The following PICALM variants were observed in gnomAD, a reference collection of about 807,000 sequenced individuals.
PICALM encodes the protein phosphatidylinositol-binding clathrin assembly protein.
PICALM carries 40 observed loss-of-function variants against 80.5 expected under a neutral mutation model. The observed-to-expected ratio is 0.50, with a 90% CI of 0.39 to 0.65. PICALM has a LOEUF of 0.65. Among genes scored for constraint, PICALM ranks in the 30% least tolerant of loss-of-function variants. The pLI is 0.00. For missense variants in PICALM, 676 were observed against 778.9 expected (o/e 0.87, Z 1.57); for synonymous variants, 288 against 260.3 (o/e 1.11, Z -1.02).
At chr11:85,976,529 A>C in intron 18 of PICALM, 94 bp downstream of exon 18, 1 of 757,186 alleles carries the variant, frequency 1.3e-6, no homozygotes, top group Non-Finnish European at 2.4e-6. Context: ...GAGTATGAGG[A>C]GCACTAAATT....
chr11:85,993,415 T>G (rs2094856131), intron 12 of PICALM, among the ~76,000 whole-genome samples: 1 of 152,054 alleles, frequency 6.6e-6, no homozygotes, highest in Non-Finnish European at 1.5e-5. Flanking sequence ...TTTGTCCCTT[T>G]TTTTTTCATT....
chr11:86,067,055 T>C (rs2096457832), intron 1 of PICALM, among the ~76,000 whole-genome samples: 1 of 152,256 alleles, frequency 6.6e-6, no homozygotes, highest in African/African-American at 2.4e-5. Context: ...TGCTTTTTTA[T>C]TTAAAACTTT....
At chr11:86,000,308 A>G (rs2095103313) in intron 11 of PICALM, among the ~76,000 whole-genome samples, 1 of 152,210 alleles carries the variant, frequency 6.6e-6, no homozygotes, top group Non-Finnish European at 1.5e-5. Flanking sequence ...TCATATCCAT[A>G]TGTCAAAGAG....
chr11:85,986,807 C>T (rs577792879), intron 13 of PICALM, among the ~76,000 whole-genome samples: 1 of 152,168 alleles, frequency 6.6e-6, no homozygotes, highest in Non-Finnish European at 1.5e-5. Context: ...TGCGCACATG[C>T]TAAAAAGAGC....
intron 1 of PICALM, among the ~76,000 whole-genome samples, chr11:86,064,294 TG>T: frequency 6.6e-6 from 1 of 152,352 alleles, no homozygotes; most frequent in South Asian, 2.1e-4. Flanking sequence ...ATCTTGATTT[TG>T]TTTTAGAAAA....
chr11:86,007,418 T>C (rs1388162461), intron 8 of PICALM, 124 bp downstream of exon 8: 10 of 623,900 alleles, frequency 1.6e-5, no homozygotes, highest in African/African-American at 7.7e-5. Context: ...TACATCAAAA[T>C]GTTAAAACTG....
chr11:86,043,627 C>T (rs1350663679), intron 1 of PICALM, among the ~76,000 whole-genome samples: 2 of 152,112 alleles, frequency 1.3e-5, no homozygotes, highest in Non-Finnish European at 2.9e-5. Flanking sequence ...TGTGACACAG[C>T]GCCTTATACA....
chr11:85,994,593 C>T lies in PICALM; in HGVS notation c.1258+2233G>A, dbSNP rs149692326. Among the ~76,000 whole-genome samples, 700 of 152,262 alleles carry T rather than the reference C, an allele frequency of 4.6e-3. 3 individuals carry two copies. Among genetic ancestry groups the T allele is most frequent in the African/African-American group, 0.016 (673 of 41,564 alleles). ...GATTATGAAAAAAATCATACCTTTG[C>T]TTTGTCATATACTATAACAGCAGCA... On this transcript the variant is annotated intron_variant, in intron 12 of 19. Transcript: ENST00000393346.
intron 12 of PICALM, among the ~76,000 whole-genome samples, chr11:85,993,086 GTT>G (rs35816362): frequency 5.0e-5 from 7 of 139,980 alleles, no homozygotes; most frequent in Non-Finnish European, 9.4e-5. Flanking sequence ...ATCCCTTAAA[GTT>G]TTTTTTTTTT....
chr11:86,017,388 T>C (rs2095497736), intron 4 of PICALM, among the ~76,000 whole-genome samples: 1 of 151,978 alleles, frequency 6.6e-6, no homozygotes, highest in South Asian at 2.1e-4. Flanking sequence ...AACATAAAAA[T>C]GAAGATAATG....
intron 5 of PICALM, among the ~76,000 whole-genome samples, chr11:86,014,205 AATCT>A (rs1273260773): frequency 8.5e-5 from 13 of 152,182 alleles, no homozygotes; most frequent in Non-Finnish European, 1.9e-4. Context: ...TTAAAGGAAA[AATCT>A]ATTTCAGCAT....
At chr11:86,023,415 C>T (rs1392243727) in intron 3 of PICALM, 2 of 980,760 alleles carry the variant, frequency 2.0e-6, no homozygotes, top group East Asian at 1.1e-4. Flanking sequence ...TGACTTCATA[C>T]CTACTACTGT....
At chr11:85,972,048 G>C (rs2094129362) in intron 19 of PICALM, among the ~76,000 whole-genome samples, 1 of 152,082 alleles carries the variant, frequency 6.6e-6, no homozygotes, top group Admixed American at 6.5e-5. Context: ...TTCCCAAAGT[G>C]CTGGGACTAC....
At chr11:86,063,832 ACATT>A (rs1377079560) in intron 1 of PICALM, among the ~76,000 whole-genome samples, 1 of 152,126 alleles carries the variant, frequency 6.6e-6, no homozygotes, top group Non-Finnish European at 1.5e-5. Context: ...GGAAGCCCAG[ACATT>A]AATTACAAAA....
intron 1 of PICALM, among the ~76,000 whole-genome samples, chr11:86,038,598 T>G (rs550602450): frequency 6.6e-6 from 1 of 151,924 alleles, no homozygotes; most frequent in Non-Finnish European, 1.5e-5. Flanking sequence ...CTGGCCAAGA[T>G]GCTGAAACCC....
intron 9 of PICALM, among the ~76,000 whole-genome samples, chr11:86,001,463 AT>A (rs1474739100): frequency 2.6e-5 from 4 of 152,210 alleles, no homozygotes; most frequent in Non-Finnish European, 5.9e-5. Context: ...AACCAGTGCA[AT>A]TGGGAAAGAG....
At chr11:85,994,960 T>C (rs1490713900) in intron 12 of PICALM, among the ~76,000 whole-genome samples, 1 of 152,246 alleles carries the variant, frequency 6.6e-6, no homozygotes, top group Non-Finnish European at 1.5e-5. Flanking sequence ...CACCTTGGCT[T>C]CCCAAAGTAC....
At chr11:85,974,890 G>A (rs2094225403) in intron 18 of PICALM, 78 bp from the exon 19 acceptor site, 1 of 969,096 alleles carries the variant, frequency 1.0e-6, no homozygotes, top group East Asian at 2.4e-5. Flanking sequence ...ATGACAACAG[G>A]GATGACAGGT....
intron 1 of PICALM, among the ~76,000 whole-genome samples, chr11:86,048,878 G>A (rs1487009976): frequency 6.7e-6 from 1 of 150,090 alleles, no homozygotes; most frequent in Non-Finnish European, 1.5e-5. Flanking sequence ...CTGCTAAACT[G>A]TAACTTTTCA....
Sources: gnomAD v4.1 joint callset for allele counts (sites outside exome capture counted in the v4.1 genomes callset) on GRCh38, gnomAD v4.1.1 for gene constraint, MANE v1.5 for transcripts, NCBI Gene and HGNC (gene_info 2026-07-23, HGNC 2026-07-21) for gene names.